The following EPHA4 variants were observed in gnomAD, a reference collection of about 807,000 sequenced individuals.
EPHA4 encodes ephrin type-A receptor 4.
Under a neutral mutation model 108.3 loss-of-function variants are expected in EPHA4, and 19 were observed. The ratio of observed to expected loss-of-function variants is 0.18; its 90% CI spans 0.12 to 0.26. The LOEUF (loss-of-function observed/expected upper bound fraction) is 0.26, where lower values mean the gene tolerates loss of function less well. Among genes scored for constraint, EPHA4 ranks in the 10% least tolerant of loss-of-function variants. The probability of loss-of-function intolerance (pLI) is 1.00; values close to 1 mark genes in which losing one functional copy is unlikely to be tolerated. For synonymous variants in EPHA4, 449 were observed against 455.5 expected (o/e 0.99, Z 0.18); for missense variants, 917 against 1,254.0 (o/e 0.73, Z 4.06).
intron 3 of EPHA4, among the ~76,000 whole-genome samples, chr2:221,533,725 CAAAAAAAAAAAA>C (rs144676444): frequency 3.2e-5 from 2 of 63,480 alleles, no homozygotes; most frequent in East Asian, 6.0e-4. Context: ...TGACTAGTGT[CAAAAAAAAAAAA>C]AAAAAAAAAA....
At chr2:221,540,094 A>AT (rs1693789578) in intron 3 of EPHA4, among the ~76,000 whole-genome samples, 1 of 151,880 alleles carries the variant, frequency 6.6e-6, no homozygotes, top group South Asian at 2.1e-4. Context: ...TATTTTTTGT[A>AT]TTTTTACTAG....
At chr2:221,529,483 C>A (rs891673237) in intron 3 of EPHA4, among the ~76,000 whole-genome samples, 1 of 152,164 alleles carries the variant, frequency 6.6e-6, no homozygotes, top group Non-Finnish European at 1.5e-5. Context: ...AAACGCCTAG[C>A]TTTTAAAACA....
chr2:221,500,002 C>T (rs2106156776), intron 4 of EPHA4, among the ~76,000 whole-genome samples: 1 of 151,960 alleles, frequency 6.6e-6, no homozygotes, highest in South Asian at 2.1e-4. Context: ...GGTGATCCGT[C>T]CACCTCAGCC....
chr2:221,513,844 C>T (rs1237354937), intron 3 of EPHA4, among the ~76,000 whole-genome samples: 1 of 152,098 alleles, frequency 6.6e-6, no homozygotes, highest in Admixed American at 6.5e-5. Flanking sequence ...TTGCTTATGT[C>T]TGAGGAGCAC....
At position 221,446,198 on chromosome 2, in the gene EPHA4, A is replaced by T. The variant is rs766053625; in HGVS notation, c.1716-17T>A. ...TTACTCCGTCTATTAAAATTTTTTT[A>T]AAAAAGAGAATTATTTTCCTCAAAC... On this transcript the variant is annotated splice_polypyrimidine_tract_variant and intron_variant, in intron 8 of 17. Transcript: ENST00000281821. The T allele has an allele frequency of 1.2e-5, 17 of 1,462,486 alleles. No individual in the cohort carries two copies. The highest frequency in any genetic ancestry group is 2.3e-5 in the Admixed American group (1 of 43,886). The allele number at this position is 1,462,486 out of a possible 1,614,324, so 90.6% of individuals were successfully genotyped here.
At chr2:221,459,411 T>C (rs1013022761) in intron 5 of EPHA4, among the ~76,000 whole-genome samples, 1 of 151,464 alleles carries the variant, frequency 6.6e-6, no homozygotes, top group African/African-American at 2.4e-5. Flanking sequence ...ATGTCCTCCA[T>C]CAAAGGCAAT....
intron 4 of EPHA4, among the ~76,000 whole-genome samples, chr2:221,486,749 A>ATAATAG (rs1280660557): frequency 6.8e-6 from 1 of 147,300 alleles, no homozygotes; most frequent in Admixed American, 6.8e-5. Flanking sequence ...AATAATAATA[A>ATAATAG]TAATAATAAT....
intron 4 of EPHA4, among the ~76,000 whole-genome samples, chr2:221,497,819 A>G (rs1692344112): frequency 6.6e-6 from 1 of 152,198 alleles, no homozygotes; most frequent in Non-Finnish European, 1.5e-5. Context: ...TTCCAAGAGC[A>G]GGTATTTTCA....
intron 14 of EPHA4, among the ~76,000 whole-genome samples, chr2:221,430,874 A>G (rs1259283903): frequency 1.3e-5 from 2 of 152,244 alleles, no homozygotes; most frequent in Admixed American, 6.5e-5. Flanking sequence ...CATCTAAAGA[A>G]GGAAGTTATA....
upstream of EPHA4, chr2:221,572,474 G>A (rs1337385691): frequency 1.5e-5 from 5 of 332,040 alleles, no homozygotes; most frequent in South Asian, 3.2e-4. Context: ...GGGCTCCACG[G>A]GGCGCGCGGT....
chr2:221,569,074 T>C (rs554049575), intron 1 of EPHA4, among the ~76,000 whole-genome samples: 1 of 152,314 alleles, frequency 6.6e-6, no homozygotes, highest in East Asian at 1.9e-4. Context: ...TGAAGTACAA[T>C]TCAAAAAGAT....
rs1443221105 is a variant in EPHA4 at position 221,457,765 on chromosome 2, G to A, written c.1443+101C>T. ...GGAGTCGAGGAAAGAAGGAAGAAAA[G>A]AAGAGAGGGAGGGAGGGAGGGAAGG... is the stretch of plus-strand genomic sequence containing the variant. On this transcript the variant is annotated intron_variant, in intron 6 of 17. Coordinates refer to ENST00000281821, the MANE Select transcript of EPHA4 (RefSeq NM_004438.5). 6.9e-6 allele frequency: 9 copies of A among 1,303,224 alleles called. No homozygotes were observed. In the East Asian group the frequency reaches 2.3e-4, roughly 33 times the overall value. The allele number at this position is 1,303,224 out of a possible 1,614,324, so 80.7% of individuals were successfully genotyped here.
At chr2:221,490,978 T>C (rs1161582584) in intron 4 of EPHA4, among the ~76,000 whole-genome samples, 7 of 152,362 alleles carry the variant, frequency 4.6e-5, no homozygotes, top group Middle Eastern at 3.4e-3. Flanking sequence ...GGGCTGTCCA[T>C]GATTAAACCA....
chr2:221,447,059 C>A (rs1449663673), intron 8 of EPHA4, among the ~76,000 whole-genome samples: 5 of 152,020 alleles, frequency 3.3e-5, no homozygotes, highest in African/African-American at 4.8e-5. Flanking sequence ...TCAAGCCTTG[C>A]AAATCAAAAA....
Position 221,501,074 on chromosome 2 carries a change from T to C in EPHA4, c.922A>G (p.Thr308Ala), listed in dbSNP as rs768017972. The change falls in exon 4 of 18, where the codon ACC becomes GCC. Residue 308 changes from threonine (T) to alanine (A), a missense_variant. Thr to Ala is a moderately conservative substitution (Grantham distance 58). Around this residue, in one of 3 missense-constraint regions of EPHA4, gnomAD observed 758 missense variants for 1,076.7 expected, o/e 0.70. Coordinates refer to ENST00000281821, the MANE Select transcript of EPHA4 (RefSeq NM_004438.5). ...YSVWEGATSC[T>A]CDRGFFRADN... ...GCTCTGAAAAAGCCTCGGTCACAGGTGCACGAGGTGGCTCCTTCCCAGACA... is the reference window on the plus strand; with the variant it reads ...GCTCTGAAAAAGCCTCGGTCACAGGCGCACGAGGTGGCTCCTTCCCAGACA... The C allele has an allele frequency of 1.2e-6, 2 of 1,613,480 alleles. No homozygotes were observed. The highest frequency in any genetic ancestry group is 1.7e-6 in the Non-Finnish European group (2 of 1,179,672).
intron 11 of EPHA4, among the ~76,000 whole-genome samples, chr2:221,440,591 CCTT>C (rs1690393444): frequency 6.7e-6 from 1 of 150,158 alleles, no homozygotes; most frequent in Non-Finnish European, 1.5e-5. Context: ...AATTATATAT[CCTT>C]CTCACCAAGG....
chr2:221,521,840 G>A (rs1053236434), intron 3 of EPHA4, among the ~76,000 whole-genome samples: 2 of 152,094 alleles, frequency 1.3e-5, no homozygotes, highest in African/African-American at 4.8e-5. Flanking sequence ...AGGTGGGCAT[G>A]ATGGCACACG....
At chr2:221,538,017 T>C (rs1450018945) in intron 3 of EPHA4, among the ~76,000 whole-genome samples, 1 of 152,146 alleles carries the variant, frequency 6.6e-6, no homozygotes, top group African/African-American at 2.4e-5. Flanking sequence ...GGGGGGGTTA[T>C]ACTTTAGAAT....
intron 5 of EPHA4, among the ~76,000 whole-genome samples, chr2:221,458,731 T>C (rs1027162243): frequency 2.0e-5 from 3 of 152,192 alleles, no homozygotes; most frequent in Non-Finnish European, 2.9e-5. Context: ...TTTAGATTTA[T>C]ACACCCAGGC....
Sources: allele counts gnomAD v4.1 joint callset (sites outside exome capture counted in the v4.1 genomes callset), GRCh38; gene constraint gnomAD v4.1.1; regional missense constraint gnomAD v4.1.1; transcripts MANE v1.5; gene names NCBI Gene and HGNC (gene_info 2026-07-23, HGNC 2026-07-21).